The following EML6 variants were observed in gnomAD, a reference collection of about 807,000 sequenced individuals.
EML6 encodes the protein echinoderm microtubule-associated protein-like 6.
A neutral mutation model predicts 240.1 loss-of-function variants in EML6; 154 were observed. The observed-to-expected ratio is 0.64, with a 90% CI of 0.56 to 0.73. The LOEUF (loss-of-function observed/expected upper bound fraction) is 0.73. Ranked by LOEUF, EML6 falls within the 30% of genes least tolerant of loss-of-function variation. The pLI, the probability that EML6 is intolerant of heterozygous loss-of-function variation, is 0.00. For missense variants in EML6, 2,964 were observed against 2,474.6 expected, an observed-to-expected ratio of 1.20 and a Z score of -4.20; for synonymous variants, 1,148 against 899.0, an observed-to-expected ratio of 1.28 and a Z score of -4.95.
At chr2:54,924,509 A>G (rs1674437779) in intron 26 of EML6, among the ~76,000 whole-genome samples, 1 of 152,214 alleles carries the variant, frequency 6.6e-6, no homozygotes, top group South Asian at 2.1e-4. Flanking sequence ...GGCTTAAACT[A>G]CTAGCCAAAT....
At chr2:54,780,832 C>A (rs994309454) in intron 2 of EML6, among the ~76,000 whole-genome samples, 3 of 152,150 alleles carry the variant, frequency 2.0e-5, no homozygotes, top group Non-Finnish European at 4.4e-5. Context: ...AATTATGTGA[C>A]TGTGGAATTG....
Position 54,903,107 on chromosome 2 carries a change from GTTTCCTGGTGGTAA to G in EML6, c.3189_3202del (p.Ser1063ArgfsTer3). 1 of 1,551,784 alleles carries G rather than the reference GTTTCCTGGTGGTAA, an allele frequency of 6.4e-7. No individual in the cohort carries two copies. The highest frequency in any genetic ancestry group is 8.7e-7 in the Non-Finnish European group (1 of 1,146,942). ...TTAGCGGTTGGCTTGAACGATGGGAGTTTCCTGGTGGTAAATGCTGACACTGTTGAAGACATGGT... is the reference window on the plus strand; with the variant it reads ...TTAGCGGTTGGCTTGAACGATGGGAGATGCTGACACTGTTGAAGACATGGT... On this transcript the variant is annotated frameshift_variant, in exon 23 of 42. Coordinates refer to ENST00000356458, the MANE Select transcript of EML6 (RefSeq NM_001039753.4). LOFTEE classifies it high-confidence loss of function.
At chr2:54,849,626 C>A (rs1466400707) in intron 9 of EML6, among the ~76,000 whole-genome samples, 2 of 152,128 alleles carry the variant, frequency 1.3e-5, no homozygotes, top group Non-Finnish European at 2.9e-5. Flanking sequence ...TTAGCTGGGA[C>A]TACAGGCGCC....
intron 35 of EML6, among the ~76,000 whole-genome samples, chr2:54,960,840 G>GCCCCACCTGGGCACCCACCAGC (rs1368891879): frequency 1.3e-5 from 2 of 152,110 alleles, no homozygotes; most frequent in Admixed American, 6.5e-5. Context: ...GAATATGGAT[G>GCCCCACCTGGGCACCCACCAGC]TCCGGGCACC....
At chr2:54,912,321 G>A (rs1673684545) in intron 25 of EML6, among the ~76,000 whole-genome samples, 1 of 152,126 alleles carries the variant, frequency 6.6e-6, no homozygotes, top group Non-Finnish European at 1.5e-5. Flanking sequence ...GAAACTTATG[G>A]CCTTGAGTAA....
intron 28 of EML6, among the ~76,000 whole-genome samples, chr2:54,931,112 C>T (rs1424227820): frequency 6.6e-6 from 1 of 152,142 alleles, no homozygotes; most frequent in African/African-American, 2.4e-5. Context: ...CGCCCGCCAC[C>T]ATGCCCGGCT....
At chr2:54,938,563 A>C (rs1043302616) in intron 28 of EML6, among the ~76,000 whole-genome samples, 1 of 152,212 alleles carries the variant, frequency 6.6e-6, no homozygotes, top group African/African-American at 2.4e-5. Context: ...GTTTAGCAGA[A>C]TCTGAGTACA....
intron 5 of EML6, among the ~76,000 whole-genome samples, chr2:54,824,799 A>C (rs1668509473): frequency 6.6e-6 from 1 of 152,150 alleles, no homozygotes; most frequent in African/African-American, 2.4e-5. Context: ...AACTCAAGGT[A>C]CCTGCCAGCT....
At chr2:54,855,638 A>T (rs551888090) in intron 11 of EML6, among the ~76,000 whole-genome samples, 1 of 152,292 alleles carries the variant, frequency 6.6e-6, no homozygotes, top group African/African-American at 2.4e-5. Flanking sequence ...GGAGAGATGG[A>T]CAGCCAGATG....
chr2:54,918,891 ACTT>A (rs1285002658), intron 26 of EML6, among the ~76,000 whole-genome samples: 1 of 152,178 alleles, frequency 6.6e-6, no homozygotes, highest in Non-Finnish European at 1.5e-5. Flanking sequence ...GGTTATCACT[ACTT>A]CTTTTTCCAA....
At chr2:54,729,930 G>C (rs757072836) in intron 2 of EML6, among the ~76,000 whole-genome samples, 3 of 152,160 alleles carry the variant, frequency 2.0e-5, no homozygotes, top group South Asian at 2.1e-4. Flanking sequence ...GAGCTTGGGG[G>C]TTCAGGACTA....
In EML6 at chr2:54,909,493, T is replaced by C. The variant is rs576776452; in HGVS notation, c.3410-1461T>C. Among the ~76,000 whole-genome samples, 3 of 152,338 alleles carry C rather than the reference T, an allele frequency of 2.0e-5. No homozygotes were observed. The East Asian group carries it at 5.8e-4, about 29-fold the overall frequency. On this transcript the variant is annotated intron_variant, in intron 24 of 41. Transcript: ENST00000356458. Reference sequence around the variant, plus strand: ...TTAGAAATGATTAAAGTTGTCAGTTTGGAAATGAGAGAACCTTATTTTTAG... The same window carrying C: ...TTAGAAATGATTAAAGTTGTCAGTTCGGAAATGAGAGAACCTTATTTTTAG...
At chr2:54,738,012 T>A (rs1683472647) in intron 2 of EML6, among the ~76,000 whole-genome samples, 1 of 152,194 alleles carries the variant, frequency 6.6e-6, no homozygotes. Context: ...CACATGACAT[T>A]ACTCACTTCC....
chr2:54,846,484 A>T (rs914394532), intron 8 of EML6, among the ~76,000 whole-genome samples: 1 of 142,076 alleles, frequency 7.0e-6, no homozygotes, highest in African/African-American at 2.6e-5. Flanking sequence ...TTGATACATA[A>T]TTTTTTTTTT....
At chr2:54,967,381 G>A (rs556022902) in intron 39 of EML6, 17 of 234,834 alleles carry the variant, frequency 7.2e-5, no homozygotes, top group Non-Finnish European at 1.2e-4. Flanking sequence ...ACCATCTCCC[G>A]TCTCTTGGCC....
chr2:54,961,947 T>G (rs1676536768), intron 35 of EML6, among the ~76,000 whole-genome samples: 1 of 151,726 alleles, frequency 6.6e-6, no homozygotes, highest in Non-Finnish European at 1.5e-5. Context: ...GAGGTTGCAG[T>G]GAGCCAAGAT....
At chr2:54,905,377 C>CAA (rs1455487002) in intron 24 of EML6, among the ~76,000 whole-genome samples, 1 of 129,546 alleles carries the variant, frequency 7.7e-6, no homozygotes, top group African/African-American at 2.7e-5. Flanking sequence ...CACACACACA[C>CAA]AAAATACCTG....
In EML6 at chr2:54,957,031, A is replaced by AG. The variant is rs1161398204; in HGVS notation, c.4487-758dup. ...TACTGGCTAACACATGATCACTCAG[A>AG]GTATCAAGCACTGTGCTCAGGGCTT... On this transcript the variant is annotated intron_variant, in intron 32 of 41. Coordinates refer to ENST00000356458, the MANE Select transcript of EML6 (RefSeq NM_001039753.4). Among the ~76,000 whole-genome samples the AG allele has an allele frequency of 2.0e-5, 3 of 152,212 alleles. No individual in the cohort carries two copies. The East Asian group carries it at 5.8e-4, about 29-fold the overall frequency.
intron 13 of EML6, among the ~76,000 whole-genome samples, chr2:54,865,352 C>T (rs1213401674): frequency 2.0e-5 from 3 of 150,098 alleles, no homozygotes; most frequent in African/African-American, 7.3e-5. Flanking sequence ...GGGCATTTGC[C>T]TGTAGTCCCA....
Sources: gnomAD v4.1 joint callset for allele counts (sites outside exome capture counted in the v4.1 genomes callset) on GRCh38, gnomAD v4.1.1 for gene constraint, MANE v1.5 for transcripts, NCBI Gene and HGNC (gene_info 2026-07-23, HGNC 2026-07-21) for gene names.